METTL8: variants seen among roughly 807,000 people sequenced by gnomAD.
The protein encoded by METTL8 is tRNA N(3)-cytidine methyltransferase METTL8, mitochondrial.
METTL8 carries 32 observed loss-of-function variants against 48.7 expected under a neutral mutation model. That is an observed-to-expected ratio of 0.66 (90% confidence interval 0.50 to 0.88). The LOEUF (loss-of-function observed/expected upper bound fraction) is 0.88. Among genes scored for constraint, METTL8 ranks in the 40% least tolerant of loss-of-function variants. The pLI is 0.00. For synonymous variants in METTL8, 136 were observed against 157.1 expected, an observed-to-expected ratio of 0.87 and a Z score of 1.01; for missense variants, 464 against 474.4, an observed-to-expected ratio of 0.98 and a Z score of 0.20.
chr2:171,416,754 A>G (rs1691353062), intron 1 of METTL8, among the ~76,000 whole-genome samples: 1 of 152,258 alleles, frequency 6.6e-6, no homozygotes, highest in African/African-American at 2.4e-5. Flanking sequence ...ACTGTTGTAC[A>G]GATGCAGGAG....
chr2:171,397,207 CAGAAAGCAA>C (rs1689154486), intron 1 of METTL8, among the ~76,000 whole-genome samples: 3 of 151,254 alleles, frequency 2.0e-5, no homozygotes, highest in African/African-American at 7.3e-5. Flanking sequence ...AAAATAAAAA[CAGAAAGCAA>C]TGAAATAGAA....
At chr2:171,348,257 C>A (rs758542684) in intron 3 of METTL8, among the ~76,000 whole-genome samples, 3 of 152,114 alleles carry the variant, frequency 2.0e-5, no homozygotes, top group Non-Finnish European at 4.4e-5. Flanking sequence ...AAAATTCAAT[C>A]TCAGGGGTTG....
chr2:171,428,816 G>A (rs1437502046), intron 1 of METTL8, among the ~76,000 whole-genome samples: 3 of 152,156 alleles, frequency 2.0e-5, no homozygotes, highest in African/African-American at 7.2e-5. Context: ...GATAAGAGGA[G>A]AGGAAAGGAA....
chr2:171,373,265 G>C (rs533715611), intron 2 of METTL8, among the ~76,000 whole-genome samples: 4 of 152,232 alleles, frequency 2.6e-5, no homozygotes, highest in African/African-American at 9.6e-5. Context: ...TGTGTCTGTC[G>C]GCTGCATAAA....
rs1684919340 is a variant in METTL8, at chr2:171,326,048, T to C, written c.961A>G (p.Lys321Glu). ...GRYDKTQLRF[K>E]KGHCLSENFY... ...AAACTGAATATACTATTACCCTTTT[T>C]AAAACGAAGCTGAGTCTTATCATAT... Residue 321 changes from lysine (K) to glutamate (E), a missense_variant, in exon 8 of 10, where the codon AAA becomes GAA. Transcript: ENST00000375258. 6.5e-7 allele frequency: 1 copy of C among 1,530,190 alleles called. No individual in the cohort carries two copies. Among genetic ancestry groups the C allele is most frequent in the Non-Finnish European group, 8.8e-7 (1 of 1,130,010 alleles). The allele number at this position is 1,530,190 out of a possible 1,614,324, so 94.8% of individuals were successfully genotyped here.
Position 171,321,526 on chromosome 2 carries a change from A to C in METTL8, c.*2646T>G, listed in dbSNP as rs1684522652. The C allele has an allele frequency of 6.6e-6, 1 of 152,154 alleles. No individual in the cohort carries two copies. The highest frequency in any genetic ancestry group is 6.5e-5 in the Admixed American group (1 of 15,282). 9.4% of individuals were successfully genotyped at this position (152,154 alleles called of 1,614,324 possible). On this transcript the variant is annotated 3_prime_UTR_variant, in exon 10 of 10. Transcript: ENST00000375258. ...CTGTTAAGAGATGAACCAATGACTAAAGCTGGACCAATGATATTCTTCTAG... is the reference window on the plus strand; with the variant it reads ...CTGTTAAGAGATGAACCAATGACTACAGCTGGACCAATGATATTCTTCTAG...
intron 3 of METTL8, among the ~76,000 whole-genome samples, chr2:171,347,316 C>T (rs1019453820): frequency 6.6e-6 from 1 of 152,196 alleles, no homozygotes; most frequent in Non-Finnish European, 1.5e-5. Context: ...CAGTCACCAC[C>T]TTTCTATTTC....
At chr2:171,326,328 T>C in intron 7 of METTL8, 180 bp from the exon 8 acceptor site, 2 of 538,342 alleles carry the variant, frequency 3.7e-6, no homozygotes. Context: ...CAAAACCAAC[T>C]TGCTAAATGA....
At position 171,356,952 on chromosome 2, in the gene METTL8, A is replaced by ATGTTTTTTTGTTTTTTT; in HGVS notation, c.235+3469_235+3470insAAAAAAACAAAAAAACA. On this transcript the variant is annotated intron_variant, in intron 3 of 9. Transcript: ENST00000375258. ...CAAATTAGCCTTGTTCAAAGACAATATTTTTTTTTTTTTTTTTGAGACAGG... is the reference window on the plus strand; with the variant it reads ...CAAATTAGCCTTGTTCAAAGACAATATGTTTTTTTGTTTTTTTTTTTTTTTTTTTTTTTTGAGACAGG... Among the ~76,000 whole-genome samples the ATGTTTTTTTGTTTTTTT allele has an allele frequency of 2.3e-4, 18 of 78,466 alleles. 2 individuals are homozygous for ATGTTTTTTTGTTTTTTT. The highest frequency in any genetic ancestry group is 3.9e-4 in the Non-Finnish European group (16 of 41,404). The allele number at this position is 78,466 out of a possible 152,430, so 51.5% of individuals were successfully genotyped here.
intron 1 of METTL8, among the ~76,000 whole-genome samples, chr2:171,422,553 T>C (rs1332240019): frequency 6.6e-6 from 1 of 152,202 alleles, no homozygotes; most frequent in Non-Finnish European, 1.5e-5. Flanking sequence ...AGAAGACATT[T>C]GTAACACATA....
intron 9 of METTL8, among the ~76,000 whole-genome samples, chr2:171,325,141 A>AG (rs1684818607): frequency 6.6e-6 from 1 of 150,944 alleles, no homozygotes; most frequent in Non-Finnish European, 1.5e-5. Flanking sequence ...AAAAAAAAAA[A>AG]GAGAAATCAG....
intron 1 of METTL8, among the ~76,000 whole-genome samples, chr2:171,397,352 TA>T (rs71013039): frequency 0.048 from 559 of 11,686 alleles, 6 homozygotes; most frequent in African/African-American, 0.14. Context: ...ACCCTGTCTC[TA>T]AAAAAAAAAA....
chr2:171,416,715 A>G (rs1184559015), intron 1 of METTL8, among the ~76,000 whole-genome samples: 2 of 152,208 alleles, frequency 1.3e-5, no homozygotes, highest in Non-Finnish European at 2.9e-5. Flanking sequence ...TAAGTGAGGG[A>G]CAAGGGTGGG....
intron 7 of METTL8, 69 bp from the exon 8 acceptor site, chr2:171,326,217 T>C (rs1684942485): frequency 2.5e-6 from 2 of 814,670 alleles, no homozygotes; most frequent in African/African-American, 1.8e-5. Context: ...GGATTTAACT[T>C]TGTTGAAGAC....
At chr2:171,417,723 C>T (rs1183714535) in intron 1 of METTL8, among the ~76,000 whole-genome samples, 3 of 152,152 alleles carry the variant, frequency 2.0e-5, no homozygotes, top group Admixed American at 6.5e-5. Flanking sequence ...CTTTTAATTT[C>T]AGATTTATAA....
chr2:171,414,888 C>T (rs1297896464), intron 1 of METTL8, among the ~76,000 whole-genome samples: 1 of 152,106 alleles, frequency 6.6e-6, no homozygotes, highest in African/African-American at 2.4e-5. Context: ...GGGGCGGTTT[C>T]TCCCATACTA....
chr2:171,409,003 A>C (rs1287655525), intron 1 of METTL8, among the ~76,000 whole-genome samples: 1 of 152,154 alleles, frequency 6.6e-6, no homozygotes, highest in Non-Finnish European at 1.5e-5. Context: ...CCTTCCACTA[A>C]GATGCTGCTT....
At chr2:171,404,074 T>TA (rs1553530211) in intron 1 of METTL8, among the ~76,000 whole-genome samples, 1 of 110,756 alleles carries the variant, frequency 9.0e-6, no homozygotes, top group Non-Finnish European at 1.9e-5. Context: ...TATATATATA[T>TA]ATATATATAT....
At chr2:171,404,539 T>C (rs1352595703) in intron 1 of METTL8, among the ~76,000 whole-genome samples, 1 of 152,182 alleles carries the variant, frequency 6.6e-6, no homozygotes, top group Non-Finnish European at 1.5e-5. Flanking sequence ...CAGAATGGCA[T>C]GCAGTCTAAA....
Sources: gnomAD v4.1 joint callset for allele counts (sites outside exome capture counted in the v4.1 genomes callset) on GRCh38, gnomAD v4.1.1 for gene constraint, MANE v1.5 for transcripts, NCBI Gene and HGNC (gene_info 2026-07-23, HGNC 2026-07-21) for gene names.